STAB1: variants seen among roughly 807,000 people sequenced by gnomAD.
The protein encoded by STAB1 is stabilin-1.
STAB1 carries 250 observed loss-of-function variants against 332.4 expected under a neutral mutation model. That is an observed-to-expected ratio of 0.75 (90% confidence interval 0.68 to 0.84). STAB1 has a LOEUF of 0.84. Ranked by LOEUF, STAB1 falls within the 40% of genes least tolerant of loss-of-function variation. STAB1 has a pLI of 0.00. For synonymous variants in STAB1, 1,475 were observed against 1,390.4 expected (o/e 1.06, Z -1.35); for missense variants, 3,249 against 3,489.7 (o/e 0.93, Z 1.74).
In STAB1 at chr3:52,501,416, C is replaced by A. The variant is rs1032764659; in HGVS notation, c.215+114C>A. 8 of 1,496,196 alleles carry A rather than the reference C, an allele frequency of 5.3e-6. No homozygotes were observed. The Admixed American group carries it at 5.4e-5, about 10-fold the overall frequency. 92.7% of individuals were successfully genotyped at this position (1,496,196 alleles called of 1,614,324 possible). A position where few individuals can be genotyped will look rare whatever the true frequency, so the allele number is the denominator to read the frequency against. ...GAGAAGCACTCACTTATCCATGCCCCTGTGGCCCCACCTGGGTGGTGGAGA... is the reference window on the plus strand; with the variant it reads ...GAGAAGCACTCACTTATCCATGCCCATGTGGCCCCACCTGGGTGGTGGAGA... On this transcript the variant is annotated intron_variant, in intron 2 of 68. Transcript: ENST00000321725.
At chr3:52,515,631 A>C in intron 37 of STAB1, 125 bp downstream of exon 37, 1 of 983,402 alleles carries the variant, frequency 1.0e-6, no homozygotes, top group East Asian at 2.5e-5. Context: ...GGGTGAGGCC[A>C]GAACCCAGAG....
At position 52,501,170 on chromosome 3, in the gene STAB1, T is replaced by A; in HGVS notation, c.83T>A (p.Leu28Gln). The change falls in exon 2 of 69, where the codon CTG becomes CAG. Residue 28 changes from leucine (L) to glutamine (Q), a missense_variant. Leu to Gln is a moderately radical substitution (Grantham distance 113, BLOSUM62 -2). Transcript: ENST00000321725. ...ACACCCTGCCTGTGGCCCCAGGTGC[T>A]GTTCAAAGGCTGTGATGTGAAAACC... ...AGFSFVRGQV[L>Q]FKGCDVKTTF... 1 of 1,612,618 alleles carries A rather than the reference T, an allele frequency of 6.2e-7. No individual in the cohort carries two copies. Among genetic ancestry groups the A allele is most frequent in the Non-Finnish European group, 8.5e-7 (1 of 1,179,126 alleles).
At position 52,510,021 on chromosome 3, in the gene STAB1, G is replaced by T. The variant is rs779233615; in HGVS notation, c.2499G>T (p.Leu833=). The T allele has an allele frequency of 1.6e-5, 25 of 1,607,530 alleles. No individual in the cohort carries two copies. The Admixed American group carries it at 4.0e-4, about 26-fold the overall frequency. Residue 833 remains leucine (L), a synonymous_variant, in exon 23 of 69, where the codon CTG becomes CTT. Coordinates refer to ENST00000321725, the MANE Select transcript of STAB1 (RefSeq NM_015136.3). The stretch of plus-strand genomic sequence containing the variant: ...CAGGGCTGGCCCAGCACTGCCACCT[G>T]CATGCCCGCTGTGTTAGCCAGGAGG... ...GPTGLAQHCH[L]HARCVSQEGV... is the part of the protein sequence containing the mutation.
chr3:52,496,565 G>A (rs1389161987), intron 1 of STAB1, among the ~76,000 whole-genome samples: 2 of 152,214 alleles, frequency 1.3e-5, no homozygotes, highest in South Asian at 2.1e-4. Flanking sequence ...CAGGGCTGGG[G>A]ACAGGAAGAT....
intron 54 of STAB1, 38 bp from the exon 55 acceptor site, chr3:52,520,766 C>G: frequency 6.2e-7 from 1 of 1,612,702 alleles, no homozygotes; most frequent in Admixed American, 1.7e-5. Context: ...CCACCAAACT[C>G]AGAACCACCC....
Position 52,513,161 on chromosome 3 carries a change from G to A in STAB1, c.3190G>A (p.Glu1064Lys), listed in dbSNP as rs1438452677. Residue 1064 changes from glutamate to lysine, a missense_variant, in exon 30 of 69, where the codon GAG becomes AAG. Glu to Lys is a moderately conservative substitution (Grantham distance 56). Coordinates refer to ENST00000321725, the MANE Select transcript of STAB1 (RefSeq NM_015136.3). The stretch of plus-strand genomic sequence containing the variant: ...TTTTCTCCAGGGTGCCCTCTTCGAG[G>A]AGGAGCTGGCCCGGCTGGGTGGGCA... The part of the protein sequence containing the change: ...AHFLQGALFE[E>K]ELARLGGQEV... The A allele has an allele frequency of 1.3e-6, 2 of 1,579,654 alleles. No individual in the cohort carries two copies. The highest frequency in any genetic ancestry group is 8.6e-7 in the Non-Finnish European group (1 of 1,162,936).
rs368679389 is a variant in STAB1, at chr3:52,506,875, G to A, written c.1989+25G>A. On this transcript the variant is annotated intron_variant, in intron 18 of 68. Transcript: ENST00000321725. ...GGTGAGCCTCGCCTGCACGGCCAGG[G>A]CCCTACTCACTAACCCCTGTCAGCG... 5.9e-5 allele frequency: 95 copies of A among 1,609,924 alleles called. No individual in the cohort carries two copies. The African/African-American group carries it at 1.2e-3, about 20-fold the overall frequency.
chr3:52,518,995 C>T lies in STAB1; in HGVS notation c.5034+126C>T, dbSNP rs1397984765. 4 of 1,223,484 alleles carry T rather than the reference C, an allele frequency of 3.3e-6. No homozygotes were observed. In the East Asian group the frequency reaches 1.0e-4, roughly 31 times the overall value. 75.8% of individuals were successfully genotyped at this position (1,223,484 alleles called of 1,614,324 possible). A position where few individuals can be genotyped will look rare whatever the true frequency, so the allele number is the denominator to read the frequency against. ...TCCCCTAGCCAGGGGGCGCCTCCTG[C>T]TGAGTCCAGCCCGGGACTCCGCCCT... On this transcript the variant is annotated intron_variant, in intron 48 of 68. Coordinates refer to ENST00000321725, the MANE Select transcript of STAB1 (RefSeq NM_015136.3).
chr3:52,502,932 C>T, intron 6 of STAB1, 67 bp from the exon 7 acceptor site: 1 of 1,400,890 alleles, frequency 7.1e-7, no homozygotes, highest in South Asian at 1.4e-5. Context: ...CAGGCAAGGC[C>T]CCTTTGCCCC....
chr3:52,518,908 C>CCGCCCCGCCCCGCCCCGCCCCGTCA, intron 48 of STAB1, 39 bp downstream of exon 48: 1 of 1,455,926 alleles, frequency 6.9e-7, no homozygotes, highest in Non-Finnish European at 9.1e-7. Flanking sequence ...CCATCCCGCC[C>CCGCCCCGCCCCGCCCCGCCCCGTCA]CGCCCCGCCC....
Position 52,505,917 on chromosome 3 carries a change from A to C in STAB1, c.1730A>C (p.His577Pro). 6.2e-7 allele frequency: 1 copy of C among 1,613,802 alleles called. No homozygotes were observed. The highest frequency in any genetic ancestry group is 8.5e-7 in the Non-Finnish European group (1 of 1,180,010). ...AAACTGCAGGAGTTGGTGCGGTACC[A>C]CATCTACAACCACGGCCAGGTGCGA... is the stretch of plus-strand genomic sequence containing the variant. ...LSKLQELVRY[H>P]IYNHGQLTVE... Residue 577 changes from histidine (H) to proline (P), a missense_variant, in exon 16 of 69, where the codon CAC (histidine) becomes CCC (proline). Coordinates refer to ENST00000321725, the MANE Select transcript of STAB1 (RefSeq NM_015136.3).
Position 52,512,949 on chromosome 3 carries a change from A to T in STAB1, c.3149A>T (p.Asn1050Ile), listed in dbSNP as rs763210843. 6.2e-7 allele frequency: 1 copy of T among 1,609,746 alleles called. No homozygotes were observed. The highest frequency in any genetic ancestry group is 8.5e-7 in the Non-Finnish European group (1 of 1,178,454). ...AFWLQPRTLP[N>I]LVRAHFLQGA... ...TGGCTGCAGCCAAGGACGCTGCCGA[A>T]CCTGGTCAGGTGGGGCCGCCATTGC... Residue 1050 changes from asparagine (N) to isoleucine (I), a missense_variant, in exon 29 of 69, where the codon AAC (asparagine) becomes ATC (isoleucine). Physicochemically the swap from Asn to Ile is moderately radical, Grantham distance 149. Transcript: ENST00000321725.
intron 22 of STAB1, 37 bp from the exon 23 acceptor site, chr3:52,509,833 G>T (rs758087711): frequency 7.4e-6 from 12 of 1,611,244 alleles, no homozygotes; most frequent in Non-Finnish European, 1.0e-5. Context: ...CCTGCCTCCT[G>T]CTTCTCAGTT....
chr3:52,509,673 G>A (rs1369556033), intron 22 of STAB1, among the ~76,000 whole-genome samples, 197 bp from the exon 23 acceptor site: 1 of 152,182 alleles, frequency 6.6e-6, no homozygotes, highest in Non-Finnish European at 1.5e-5. Flanking sequence ...ACTAGAATGG[G>A]ATAATTGAAA....
rs373929307 is a variant in STAB1 at position 52,517,954 on chromosome 3, C to T, written c.4712C>T (p.Thr1571Ile). Residue 1571 changes from threonine to isoleucine, a missense_variant, in exon 45 of 69, where the codon ACA (threonine) becomes ATA (isoleucine). Transcript: ENST00000321725. Reference sequence around the variant, plus strand: ...GGCCAGAGGACATGTACCTGCGACACAGCCCACACCGTGGGGGACGGCCTC... The same window carrying T: ...GGCCAGAGGACATGTACCTGCGACATAGCCCACACCGTGGGGGACGGCCTC... Reference protein sequence around the residue: ...GDGQRTCTCDTAHTVGDGLTC... With the variant: ...GDGQRTCTCDIAHTVGDGLTC... 506 of 1,609,040 alleles carry T rather than the reference C, an allele frequency of 3.1e-4. 8 individuals are homozygous for T. In the South Asian group the frequency reaches 4.7e-3, roughly 15 times the overall value.
At chr3:52,506,366 G>T in intron 17 of STAB1, 116 bp downstream of exon 17, 1 of 976,454 alleles carries the variant, frequency 1.0e-6, no homozygotes, top group East Asian at 2.6e-5. Flanking sequence ...GCTAGGCCAT[G>T]GCGGGCTCAT....
rs781349496 is a variant in STAB1 at position 52,522,829 on chromosome 3, C to T, written c.6799C>T (p.Pro2267Ser). The change falls in exon 62 of 69, where the codon CCT becomes TCT. Residue 2267 changes from proline to serine, a missense_variant. By Grantham distance (74) the Pro-to-Ser change is moderately conservative (BLOSUM62 -1). Transcript: ENST00000321725. ...GCTGGCCAATGGCTCCACTGCCCAC[C>T]CTGTGGTTTTCCCTGTGGCGGACTG... ...GWLANGSTAH[P>S]VVFPVADCGN... 7 of 1,613,310 alleles carry T rather than the reference C, an allele frequency of 4.3e-6. 1 individual carries two copies. The Middle Eastern group carries it at 6.6e-4, about 152-fold the overall frequency.
In STAB1 at chr3:52,524,463, G is replaced by T; in HGVS notation, c.*107G>T. On this transcript the variant is annotated 3_prime_UTR_variant, in exon 69 of 69. Transcript: ENST00000321725. ...CTGAGGGCCTGTCCCAGACAATAAA[G>T]GTGCCCTCAGCGGATGTGGGCCATG... 6.2e-7 allele frequency: 1 copy of T among 1,612,690 alleles called. No individual in the cohort carries two copies. Among genetic ancestry groups the T allele is most frequent in the Non-Finnish European group, 8.5e-7 (1 of 1,179,938 alleles).
chr3:52,512,945 C>A lies in STAB1; in HGVS notation c.3145C>A (p.Pro1049Thr). The change falls in exon 29 of 69, where the codon CCG becomes ACG. Residue 1049 changes from proline (P) to threonine (T), a missense_variant. Physicochemically the swap from Pro to Thr is conservative, Grantham distance 38. Coordinates refer to ENST00000321725, the MANE Select transcript of STAB1 (RefSeq NM_015136.3). ...RAFWLQPRTL[P>T]NLVRAHFLQG... Reference sequence around the variant, plus strand: ...TTTCTGGCTGCAGCCAAGGACGCTGCCGAACCTGGTCAGGTGGGGCCGCCA... The same window carrying A: ...TTTCTGGCTGCAGCCAAGGACGCTGACGAACCTGGTCAGGTGGGGCCGCCA... 3.1e-6 allele frequency: 5 copies of A among 1,610,340 alleles called. No homozygotes were observed. The highest frequency in any genetic ancestry group is 4.2e-6 in the Non-Finnish European group (5 of 1,178,772).
Sources: allele counts gnomAD v4.1 joint callset (sites outside exome capture counted in the v4.1 genomes callset), GRCh38; gene constraint gnomAD v4.1.1; transcripts MANE v1.5; gene names NCBI Gene and HGNC (gene_info 2026-07-23, HGNC 2026-07-21).